The following TPTE variants were observed in gnomAD, a reference collection of about 807,000 sequenced individuals.
TPTE encodes the protein putative tyrosine-protein phosphatase TPTE.
A neutral mutation model predicts 84.1 loss-of-function variants in TPTE; 59 were observed. The observed-to-expected ratio is 0.70, with a 90% confidence interval of 0.57 to 0.87. The LOEUF is 0.87. Ranked by LOEUF, TPTE falls within the 40% of genes least tolerant of loss-of-function variation. TPTE has a pLI of 0.00. For missense variants in TPTE, 382 were observed against 659.6 expected (o/e 0.58, Z 4.61); for synonymous variants, 130 against 223.5 (o/e 0.58, Z 3.73).
chr21:10,524,050 A>G (rs912535071), intron 1 of TPTE, among the ~76,000 whole-genome samples: 1 of 152,310 alleles, frequency 6.6e-6, no homozygotes, highest in Admixed American at 6.5e-5. Context: ...TCTATTCCCC[A>G]TTCTACAAGA....
intron 10 of TPTE, among the ~76,000 whole-genome samples, chr21:10,566,534 T>C (rs1490241840): frequency 5.9e-5 from 9 of 152,308 alleles, no homozygotes; most frequent in Middle Eastern, 3.2e-3. Flanking sequence ...GAAATCACTA[T>C]ATAGAAGAGA....
chr21:10,545,931 T>TAA lies in TPTE; in HGVS notation c.173+2551_173+2552dup, dbSNP rs1319545743. On this transcript the variant is annotated intron_variant, in intron 7 of 23. Coordinates refer to ENST00000618007, the MANE Select transcript of TPTE (RefSeq NM_199261.4). ...ATATGAGCATCTGTGTATATATATG[T>TAA]AAACATATATGTATATATCCTTTAG... Among the ~76,000 whole-genome samples the TAA allele has an allele frequency of 6.6e-5, 10 of 152,064 alleles. No homozygotes were observed. The East Asian group carries it at 1.4e-3, about 21-fold the overall frequency.
chr21:10,566,827 A>T (rs931261882), intron 10 of TPTE, among the ~76,000 whole-genome samples: 2 of 152,302 alleles, frequency 1.3e-5, no homozygotes, highest in African/African-American at 2.4e-5. Context: ...AAATACAAAA[A>T]TTAGCTGGGT....
chr21:10,591,940 A>G (rs1242965676), intron 18 of TPTE, among the ~76,000 whole-genome samples: 3 of 152,398 alleles, frequency 2.0e-5, no homozygotes, highest in African/African-American at 7.2e-5. Flanking sequence ...AGGCAGGCGG[A>G]TCTCTTGAGG....
chr21:10,530,897 A>T (rs796735792), intron 3 of TPTE, among the ~76,000 whole-genome samples: 1 of 152,300 alleles, frequency 6.6e-6, no homozygotes, highest in Non-Finnish European at 1.5e-5. Flanking sequence ...CTTTGAATTT[A>T]TGTGATAACT....
intron 3 of TPTE, among the ~76,000 whole-genome samples, chr21:10,535,323 C>G (rs569626973): frequency 2.0e-5 from 3 of 152,416 alleles, no homozygotes; most frequent in Admixed American, 2.0e-4. Context: ...TACATATATA[C>G]ACATAACATA....
chr21:10,536,147 G>GC (rs2074261735), intron 3 of TPTE, among the ~76,000 whole-genome samples: 1 of 152,302 alleles, frequency 6.6e-6, no homozygotes, highest in Admixed American at 6.5e-5. Context: ...GTGTGGTGGT[G>GC]CATGCCTGTA....
At chr21:10,605,275 A>G in intron 23 of TPTE, 142 bp from the exon 24 acceptor site, 1 of 1,166,944 alleles carries the variant, frequency 8.6e-7, no homozygotes, top group South Asian at 1.7e-5. Flanking sequence ...GGAAGGAGCC[A>G]ACTGAGACAC....
chr21:10,542,475 C>T (rs765964528), intron 6 of TPTE, 27 bp downstream of exon 6: 32 of 1,607,302 alleles, frequency 2.0e-5, no homozygotes, highest in African/African-American at 1.5e-4. Flanking sequence ...TAAAGTCACC[C>T]GTCAGCATAA....
At chr21:10,581,319 TAAA>T (rs1443927464) in intron 17 of TPTE, among the ~76,000 whole-genome samples, 1 of 152,310 alleles carries the variant, frequency 6.6e-6, no homozygotes, top group Non-Finnish European at 1.5e-5. Flanking sequence ...ATGTTATTAT[TAAA>T]GAAGTTAGCA....
chr21:10,571,291 C>T (rs1217747973), intron 14 of TPTE, among the ~76,000 whole-genome samples: 2 of 152,428 alleles, frequency 1.3e-5, no homozygotes, highest in South Asian at 2.1e-4. Flanking sequence ...GACTATATTA[C>T]TGCACCCACC....
intron 4 of TPTE, among the ~76,000 whole-genome samples, chr21:10,540,200 T>TA (rs1242030206): frequency 6.6e-6 from 1 of 152,304 alleles, no homozygotes; most frequent in Non-Finnish European, 1.5e-5. Context: ...CACCATGTGA[T>TA]ACCAAGGAAT....
At chr21:10,541,074 AC>A (rs2074360390) in intron 4 of TPTE, 37 bp from the exon 5 acceptor site, 1 of 1,611,738 alleles carries the variant, frequency 6.2e-7, no homozygotes, top group Admixed American at 1.7e-5. Flanking sequence ...CATTAGAATT[AC>A]GCATTGGGTC....
chr21:10,599,799 T>TTTAGTTAG (rs71217978), intron 21 of TPTE, among the ~76,000 whole-genome samples: 18 of 150,246 alleles, frequency 1.2e-4, no homozygotes, highest in African/African-American at 2.4e-4. Flanking sequence ...ACAACTCTAA[T>TTTAGTTAG]TTAGTTAGTT....
chr21:10,533,866 A>G (rs1180694830), intron 3 of TPTE, among the ~76,000 whole-genome samples: 4 of 152,308 alleles, frequency 2.6e-5, no homozygotes, highest in Admixed American at 1.3e-4. Flanking sequence ...AAGCTTTTAG[A>G]ACGAGAACAA....
At chr21:10,572,823 G>T (rs1305781398) in intron 14 of TPTE, among the ~76,000 whole-genome samples, 1 of 152,308 alleles carries the variant, frequency 6.6e-6, no homozygotes, top group East Asian at 1.9e-4. Flanking sequence ...AAACTCACCT[G>T]TAGTGCAGAT....
intron 7 of TPTE, among the ~76,000 whole-genome samples, chr21:10,548,310 A>G (rs1261364206): frequency 6.6e-6 from 1 of 152,306 alleles, no homozygotes; most frequent in African/African-American, 2.4e-5. Flanking sequence ...GCAGCTGTGC[A>G]ACCTTGGGTG....
chr21:10,524,811 G>A (rs1460022865), intron 2 of TPTE, 123 bp downstream of exon 2: 1 of 152,396 alleles, frequency 6.6e-6, no homozygotes, highest in Non-Finnish European at 1.5e-5. Flanking sequence ...GGTAGACTGA[G>A]AGCTTTGATA....
chr21:10,522,117 C>T (rs1198766486), intron 1 of TPTE, among the ~76,000 whole-genome samples: 2 of 152,142 alleles, frequency 1.3e-5, no homozygotes, highest in African/African-American at 2.4e-5. Context: ...CCGCGCCGCC[C>T]CCGAGGCGCC....
Sources: allele counts gnomAD v4.1 joint callset (sites outside exome capture counted in the v4.1 genomes callset), GRCh38; gene constraint gnomAD v4.1.1; transcripts MANE v1.5; gene names NCBI Gene and HGNC (gene_info 2026-07-23, HGNC 2026-07-21).